The following IQCM variants were observed in gnomAD, a reference collection of about 807,000 sequenced individuals.
IQCM encodes IQ motif containing M, also known as IQ domain-containing protein M.
A neutral mutation model predicts 57.6 loss-of-function variants in IQCM; 45 were observed. The ratio of observed to expected loss-of-function variants is 0.78; its 90% CI spans 0.62 to 1.00. The LOEUF (loss-of-function observed/expected upper bound fraction) is 1.00, where lower values mean the gene tolerates loss of function less well. Ranked by LOEUF, IQCM falls within the 50% of genes least tolerant of loss-of-function variation. The probability of loss-of-function intolerance (pLI) is 0.00; values close to 1 mark genes in which losing one functional copy is unlikely to be tolerated. For synonymous variants in IQCM, 148 were observed against 158.9 expected, an observed-to-expected ratio of 0.93 and a Z score of 0.51; for missense variants, 468 against 511.6, an observed-to-expected ratio of 0.91 and a Z score of 0.82.
At chr4:149,438,734 G>A (rs1004007394) in intron 12 of IQCM, among the ~76,000 whole-genome samples, 2 of 152,090 alleles carry the variant, frequency 1.3e-5, no homozygotes, top group Admixed American at 1.3e-4. Flanking sequence ...ACTTTCTTAC[G>A]TTTAGTTTCT....
At chr4:149,643,703 T>C (rs1758401792) in intron 7 of IQCM, among the ~76,000 whole-genome samples, 1 of 152,152 alleles carries the variant, frequency 6.6e-6, no homozygotes, top group African/African-American at 2.4e-5. Flanking sequence ...GCCAATGGTA[T>C]CCAGAGAGGC....
intron 12 of IQCM, among the ~76,000 whole-genome samples, chr4:149,497,993 A>G (rs956349514): frequency 5.3e-5 from 8 of 152,142 alleles, no homozygotes; most frequent in African/African-American, 1.7e-4. Flanking sequence ...GTGATAAAAC[A>G]CCACATTCTA....
chr4:149,572,835 C>T (rs1751290104), intron 9 of IQCM, among the ~76,000 whole-genome samples: 1 of 151,734 alleles, frequency 6.6e-6, no homozygotes, highest in African/African-American at 2.4e-5. Flanking sequence ...GGAGGAAAAC[C>T]CTGTGAACCT....
At chr4:149,811,452 A>C (rs1289613730) in intron 2 of IQCM, among the ~76,000 whole-genome samples, 1 of 152,202 alleles carries the variant, frequency 6.6e-6, no homozygotes, top group Non-Finnish European at 1.5e-5. Flanking sequence ...AAAACAAAAA[A>C]CAAATTCAAA....
rs904525338 is a variant in IQCM at position 149,763,251 on chromosome 4, A to T, written c.-48-20512T>A. 2.0e-5 allele frequency among the ~76,000 whole-genome samples: 3 copies of T among 152,090 alleles called. No individual in the cohort carries two copies. The East Asian group carries it at 5.8e-4, about 29-fold the overall frequency. ...TATATGACATCAGGAAGAACAAACA[A>T]AAAAAGCCTAGTTTGTATCCTAAAC... is the stretch of plus-strand genomic sequence containing the variant. On this transcript the variant is annotated intron_variant, in intron 2 of 13. Coordinates refer to ENST00000636793, the MANE Select transcript of IQCM (RefSeq NM_001363507.2).
chr4:149,724,258 A>G (rs1171424519), intron 5 of IQCM, among the ~76,000 whole-genome samples: 1 of 152,090 alleles, frequency 6.6e-6, no homozygotes, highest in African/African-American at 2.4e-5. Flanking sequence ...TTTCATAAAC[A>G]TTGTTGATCA....
At chr4:149,466,120 C>G (rs985260570) in intron 12 of IQCM, among the ~76,000 whole-genome samples, 2 of 152,158 alleles carry the variant, frequency 1.3e-5, no homozygotes, top group African/African-American at 4.8e-5. Flanking sequence ...ATCAACATTG[C>G]GACATAGCTG....
chr4:149,765,531 A>G (rs1475175775), intron 2 of IQCM, among the ~76,000 whole-genome samples: 1 of 152,048 alleles, frequency 6.6e-6, no homozygotes, highest in East Asian at 1.9e-4. Flanking sequence ...AGCAAGGATG[A>G]TAATAGTCCC....
At position 149,553,151 on chromosome 4, in the gene IQCM, C is replaced by T. The variant is rs900221465; in HGVS notation, c.1085G>A (p.Arg362Gln). 27 of 1,231,700 alleles carry T rather than the reference C, an allele frequency of 2.2e-5. No homozygotes were observed. Among genetic ancestry groups the T allele is most frequent in the African/African-American group, 1.4e-4 (9 of 64,386 alleles). The allele number at this position is 1,231,700 out of a possible 1,614,324, so 76.3% of individuals were successfully genotyped here. ...GTGTCTGCATCACTTACATTTTTTTCGGTCCATCCACTCCTCTAGCTCTGC... is the reference window on the plus strand; with the variant it reads ...GTGTCTGCATCACTTACATTTTTTTTGGTCCATCCACTCCTCTAGCTCTGC... Reference protein sequence around the residue: ...NLAELEEWMDRKKFYEIMFAK... With the variant: ...NLAELEEWMDQKKFYEIMFAK... The change falls in exon 11 of 14, where the codon CGA becomes CAA. Residue 362 changes from arginine (R) to glutamine (Q), a missense_variant. By Grantham distance (43) the Arg-to-Gln change is conservative (BLOSUM62 1). Coordinates refer to ENST00000636793, the MANE Select transcript of IQCM (RefSeq NM_001363507.2).
intron 7 of IQCM, among the ~76,000 whole-genome samples, chr4:149,657,649 C>T (rs1759753761): frequency 6.6e-6 from 1 of 152,080 alleles, no homozygotes; most frequent in South Asian, 2.1e-4. Flanking sequence ...TTCCTTTTCT[C>T]TATATCTTCG....
At chr4:149,770,921 G>A (rs548761516) in intron 2 of IQCM, among the ~76,000 whole-genome samples, 3 of 151,964 alleles carry the variant, frequency 2.0e-5, no homozygotes, top group Non-Finnish European at 4.4e-5. Context: ...TTGTACAGAA[G>A]GTTCTAATCA....
At chr4:149,697,105 C>A (rs1010835045) in intron 5 of IQCM, among the ~76,000 whole-genome samples, 1 of 152,032 alleles carries the variant, frequency 6.6e-6, no homozygotes, top group Non-Finnish European at 1.5e-5. Flanking sequence ...GACTTTCTAC[C>A]ACTCTTAAAT....
intron 8 of IQCM, among the ~76,000 whole-genome samples, chr4:149,617,005 T>C (rs1282422520): frequency 6.6e-6 from 1 of 151,732 alleles, no homozygotes. Flanking sequence ...TTGCCCAGGC[T>C]GGAGTACAAT....
chr4:149,563,759 A>C lies in IQCM; in HGVS notation c.881T>G (p.Val294Gly). ...CCTGACATGTGCCTGCATGACGGTG[A>C]CCATTCTAATCAATTTTGGGGTAAT... is the stretch of plus-strand genomic sequence containing the variant. ...FMITPKLIRM[V>G]TVMQAHVRGW... The change falls in exon 10 of 14, where the codon GTC (valine) becomes GGC (glycine). Residue 294 changes from valine (V) to glycine (G), a missense_variant. Val to Gly is a moderately radical substitution (Grantham distance 109). Coordinates refer to ENST00000636793, the MANE Select transcript of IQCM (RefSeq NM_001363507.2). 1 of 1,232,014 alleles carries C rather than the reference A, an allele frequency of 8.1e-7. No homozygotes were observed. Among genetic ancestry groups the C allele is most frequent in the African/African-American group, 1.6e-5 (1 of 64,490 alleles). The allele number at this position is 1,232,014 out of a possible 1,614,324, so 76.3% of individuals were successfully genotyped here. A position where few individuals can be genotyped will look rare whatever the true frequency, so the allele number is the denominator to read the frequency against.
chr4:149,797,953 G>GA (rs568780704), intron 2 of IQCM, among the ~76,000 whole-genome samples: 4,871 of 143,552 alleles, frequency 0.034, 211 homozygotes, highest in East Asian at 0.13. Flanking sequence ...ACTTCAATCA[G>GA]AAAAAAAAAA....
chr4:149,775,275 T>C (rs1183715416), intron 2 of IQCM, among the ~76,000 whole-genome samples: 1 of 151,892 alleles, frequency 6.6e-6, no homozygotes, highest in Non-Finnish European at 1.5e-5. Flanking sequence ...AAAGCAAATG[T>C]CTCACAATAT....
chr4:149,557,320 T>C (rs1031047641), intron 10 of IQCM, among the ~76,000 whole-genome samples: 3 of 152,186 alleles, frequency 2.0e-5, no homozygotes. Context: ...TAGACAGCCT[T>C]ATGTTTGATT....
chr4:149,524,318 ATGG>A (rs1193751864), intron 12 of IQCM, among the ~76,000 whole-genome samples: 5 of 152,128 alleles, frequency 3.3e-5, no homozygotes, highest in African/African-American at 1.2e-4. Context: ...GTTCATCTAA[ATGG>A]TGGCTACACA....
intron 9 of IQCM, among the ~76,000 whole-genome samples, chr4:149,566,743 A>T (rs1750670870): frequency 6.6e-6 from 1 of 152,226 alleles, no homozygotes; most frequent in South Asian, 2.1e-4. Flanking sequence ...TAGGTCTGAA[A>T]CAGATGTACT....
Sources: gnomAD v4.1 joint callset for allele counts (sites outside exome capture counted in the v4.1 genomes callset) on GRCh38, gnomAD v4.1.1 for gene constraint, MANE v1.5 for transcripts, NCBI Gene and HGNC (gene_info 2026-07-23, HGNC 2026-07-21) for gene names.